Variants in PCDHA9 observed in about 807,000 individuals in gnomAD.
PCDHA9 encodes protocadherin alpha 9, also known as protocadherin alpha-9.
In PCDHA9, 62 loss-of-function variants were observed where a neutral mutation model predicts 62.0. The ratio of observed to expected loss-of-function variants is 1.00; its 90% CI spans 0.81 to 1.23. The LOEUF is 1.23. Ranked by LOEUF, PCDHA9 falls within the 50% of genes most tolerant of loss-of-function variation. The pLI, the probability that PCDHA9 is intolerant of heterozygous loss-of-function variation, is 0.00. For missense variants in PCDHA9, 1,205 were observed against 1,249.8 expected (o/e 0.96, Z 0.54); for synonymous variants, 557 against 567.6 (o/e 0.98, Z 0.27).
At chr5:140,978,795 G>T in intron 1 of PCDHA9, 154 bp from the exon 2 acceptor site, 1 of 979,238 alleles carries the variant, frequency 1.0e-6, no homozygotes, top group Non-Finnish European at 1.2e-6. Flanking sequence ...TGCTATATAT[G>T]TAGATATCAT....
At position 140,855,877 on chromosome 5, in the gene PCDHA9, C is replaced by A. The variant is rs577890350; in HGVS notation, c.2394+4988C>A. ...GATGTCGCTGTCGTCCACAAAATAG[C>A]TTTTTAGAACAAAGGCATCAGCCAG... is the stretch of plus-strand genomic sequence containing the variant. On this transcript the variant is annotated intron_variant, in intron 1 of 3. Coordinates refer to ENST00000532602, the MANE Select transcript of PCDHA9 (RefSeq NM_031857.2). 6.7e-6 allele frequency: 6 copies of A among 896,996 alleles called. 1 individual carries two copies. Among genetic ancestry groups the A allele is most frequent in the Non-Finnish European group, 9.9e-6 (6 of 604,068 alleles). 55.6% of individuals were successfully genotyped at this position (896,996 alleles called of 1,614,324 possible).
chr5:140,848,904 CAAA>C lies in PCDHA9; in HGVS notation c.411_413del (p.Lys138del). 1 of 1,608,060 alleles carries C rather than the reference CAAA, an allele frequency of 6.2e-7. No homozygotes were observed. The highest frequency in any genetic ancestry group is 8.5e-7 in the Non-Finnish European group (1 of 1,176,922). ...CAACCCTCCAGTGTTCCCAGCGACA[CAAA>C]AGAATCTGTTCATCGCGGAATCCAG... On this transcript the variant is annotated inframe_deletion, in exon 1 of 4. Transcript: ENST00000532602.
intron 1 of PCDHA9, chr5:140,929,542 C>A (rs2086218387): frequency 1.9e-6 from 1 of 536,790 alleles, no homozygotes; most frequent in Non-Finnish European, 3.0e-6. Context: ...GAAACAAGGG[C>A]AAAAATTAAA....
intron 1 of PCDHA9, among the ~76,000 whole-genome samples, chr5:140,915,155 G>T (rs941034401): frequency 1.3e-5 from 2 of 151,934 alleles, no homozygotes; most frequent in Non-Finnish European, 2.9e-5. Flanking sequence ...CACCATGTTG[G>T]CCAGGATAGT....
intron 1 of PCDHA9, chr5:140,926,753 G>C (rs1431209513): frequency 3.5e-5 from 44 of 1,268,526 alleles, no homozygotes; most frequent in Non-Finnish European, 4.4e-5. Context: ...GTCGGCGGTC[G>C]CTGAGTATCC....
At position 140,858,448 on chromosome 5, in the gene PCDHA9, C is replaced by G. The variant is rs1554151646; in HGVS notation, c.2394+7559C>G. The G allele has an allele frequency of 1.3e-6, 2 of 1,532,196 alleles. 1 individual carries two copies. The highest frequency in any genetic ancestry group is 2.8e-5 in the African/African-American group (2 of 72,594). 94.9% of individuals were successfully genotyped at this position (1,532,196 alleles called of 1,614,324 possible). ...ACCACTCTAGGAAGGTGGGTTATTA[C>G]GTTTTCATTTTCCTTTTGTGCTTTA... On this transcript the variant is annotated intron_variant, in intron 1 of 3. Transcript: ENST00000532602.
At chr5:140,860,243 C>G (rs189216184) in intron 1 of PCDHA9, 1 of 151,206 alleles carries the variant, frequency 6.6e-6, no homozygotes, top group Non-Finnish European at 1.5e-5. Context: ...CATGGTGGTA[C>G]ATGCCTTTAG....
At chr5:140,900,572 G>A (rs1244478745) in intron 1 of PCDHA9, among the ~76,000 whole-genome samples, 3 of 152,068 alleles carry the variant, frequency 2.0e-5, no homozygotes, top group Non-Finnish European at 4.4e-5. Flanking sequence ...CCACGGCACC[G>A]GCCCATTTTC....
At chr5:140,954,623 G>C (rs1277762311) in intron 1 of PCDHA9, among the ~76,000 whole-genome samples, 2 of 151,776 alleles carry the variant, frequency 1.3e-5, no homozygotes, top group African/African-American at 4.8e-5. Flanking sequence ...GGCTTGTTTG[G>C]GTTTTTCTTG....
In PCDHA9 at chr5:140,852,586, T is replaced by TTA. The variant is rs1554145914; in HGVS notation, c.2394+1698_2394+1699insAT. On this transcript the variant is annotated intron_variant, in intron 1 of 3. Transcript: ENST00000532602. ...CCACTGTGCCAAGGCTTTTTTATTTTTTTTTTTTGTCATTTTCTTTCAAAA... is the reference window on the plus strand; with the variant it reads ...CCACTGTGCCAAGGCTTTTTTATTTTTATTTTTTTTGTCATTTTCTTTCAAAA... 25 of 878,568 alleles carry TTA rather than the reference T, an allele frequency of 2.8e-5. 1 individual carries two copies. The highest frequency in any genetic ancestry group is 1.3e-4 in the Admixed American group (2 of 15,686). 54.4% of individuals were successfully genotyped at this position (878,568 alleles called of 1,614,324 possible).
intron 3 of PCDHA9, among the ~76,000 whole-genome samples, chr5:141,005,814 A>T (rs947359019): frequency 6.7e-6 from 1 of 149,766 alleles, no homozygotes; most frequent in Non-Finnish European, 1.5e-5. Flanking sequence ...GGAGCCAGGT[A>T]TGGTGGCCTG....
intron 1 of PCDHA9, among the ~76,000 whole-genome samples, chr5:140,912,358 T>G (rs2075885370): frequency 1.4e-5 from 2 of 146,130 alleles, no homozygotes; most frequent in African/African-American, 2.6e-5. Flanking sequence ...TTTTTTTTTT[T>G]GCAGCTGTTG....
intron 3 of PCDHA9, among the ~76,000 whole-genome samples, chr5:141,008,968 T>C (rs1241825350): frequency 6.6e-6 from 1 of 152,256 alleles, no homozygotes; most frequent in Non-Finnish European, 1.5e-5. Flanking sequence ...AATACATTTA[T>C]AGCCAAAGTT....
intron 3 of PCDHA9, among the ~76,000 whole-genome samples, chr5:140,994,216 G>A (rs2097604981): frequency 6.6e-6 from 1 of 152,178 alleles, no homozygotes; most frequent in Non-Finnish European, 1.5e-5. Flanking sequence ...GGGACCCAGG[G>A]TCTGTCTATG....
chr5:140,957,591 C>T (rs1554223040), intron 1 of PCDHA9, among the ~76,000 whole-genome samples: 1 of 151,946 alleles, frequency 6.6e-6, no homozygotes, highest in African/African-American at 2.4e-5. Flanking sequence ...CAAAGCACTT[C>T]CCAGAATAAA....
intron 1 of PCDHA9, among the ~76,000 whole-genome samples, chr5:140,904,904 C>A (rs1463349424): frequency 6.6e-6 from 1 of 151,948 alleles, no homozygotes; most frequent in Non-Finnish European, 1.5e-5. Context: ...GTTTTTCTTA[C>A]TGATTTGTTT....
intron 1 of PCDHA9, chr5:140,927,991 G>T: frequency 6.2e-7 from 1 of 1,614,202 alleles, no homozygotes; most frequent in Non-Finnish European, 8.5e-7. Flanking sequence ...TGTAAAGGAT[G>T]AAGACCTCGA....
rs150142414 is a variant in PCDHA9, at chr5:140,941,961, T to C, written c.2395-36988T>C. 4.6e-3 allele frequency among the ~76,000 whole-genome samples: 702 copies of C among 152,326 alleles called. 3 individuals are homozygous for C. Among genetic ancestry groups the C allele is most frequent in the African/African-American group, 0.016 (679 of 41,550 alleles). On this transcript the variant is annotated intron_variant, in intron 1 of 3. Transcript: ENST00000532602. Reference sequence around the variant, plus strand: ...TACTTTTGTTTTGAAAACAATAGTATCTTTACTTTCCCTAAACCTTGATAA... The same window carrying C: ...TACTTTTGTTTTGAAAACAATAGTACCTTTACTTTCCCTAAACCTTGATAA...
chr5:141,009,686 A>G lies in PCDHA9; in HGVS notation c.2602A>G (p.Thr868Ala). Residue 868 changes from threonine to alanine, a missense_variant, in exon 4 of 4, where the codon ACC becomes GCC. Thr to Ala is a moderately conservative substitution (Grantham distance 58). Around this residue, in one of 3 missense-constraint regions of PCDHA9, gnomAD observed 887 missense variants for 809.5 expected, o/e 1.10. Coordinates refer to ENST00000532602, the MANE Select transcript of PCDHA9 (RefSeq NM_031857.2). ...VGAGVNSNSW[T>A]FKYGPGNPKQ... ...TGCGGGTGTCAACAGCAACAGCTGG[A>G]CCTTTAAATACGGACCAGGCAACCC... is the stretch of plus-strand genomic sequence containing the variant. The G allele has an allele frequency of 6.2e-7, 1 of 1,613,998 alleles. No homozygotes were observed. The highest frequency in any genetic ancestry group is 8.5e-7 in the Non-Finnish European group (1 of 1,179,996).
Sources: gnomAD v4.1 joint callset for allele counts (sites outside exome capture counted in the v4.1 genomes callset) on GRCh38, gnomAD v4.1.1 for gene constraint, gnomAD v4.1.1 regional missense constraint, MANE v1.5 for transcripts, NCBI Gene and HGNC (gene_info 2026-07-23, HGNC 2026-07-21) for gene names.